CACNA1C: variants seen among roughly 807,000 people sequenced by gnomAD.
CACNA1C encodes voltage-dependent L-type calcium channel subunit alpha-1C.
Under a neutral mutation model 229.0 loss-of-function variants are expected in CACNA1C, and 30 were observed. The observed-to-expected ratio is 0.13, with a 90% CI of 0.10 to 0.18. CACNA1C has a LOEUF of 0.18. Among genes scored for constraint, CACNA1C ranks in the 10% least tolerant of loss-of-function variants. The pLI is 1.00. For synonymous variants in CACNA1C, 1,114 were observed against 1,132.5 expected (o/e 0.98, Z 0.33); for missense variants, 1,658 against 2,845.0 (o/e 0.58, Z 9.49).
chr12:2,218,760 A>G (rs1186701198), intron 3 of CACNA1C, among the ~76,000 whole-genome samples: 1 of 152,226 alleles, frequency 6.6e-6, no homozygotes, highest in Non-Finnish European at 1.5e-5. Context: ...AACAACAGAA[A>G]ATACAAAACA....
chr12:2,632,753 G>A lies in CACNA1C; in HGVS notation c.3829-1544G>A, dbSNP rs532026398. On this transcript the variant is annotated intron_variant, in intron 29 of 46. Transcript: ENST00000399655. This position sits in a 1 kb window ranked among gnomAD's most constrained non-coding sequence, Gnocchi z 4.1. ...ATCCTCAGGAAACGCTTTGATCACC[G>A]CGTGCCCTCTGCGCGGCGTCTGCAT... is the stretch of plus-strand genomic sequence containing the variant. Among the ~76,000 whole-genome samples the A allele has an allele frequency of 5.3e-5, 8 of 152,194 alleles. No homozygotes were observed. The highest frequency in any genetic ancestry group is 4.2e-4 in the South Asian group (2 of 4,818).
intron 1 of CACNA1C, among the ~76,000 whole-genome samples, chr12:2,014,809 G>A (rs1307047222): frequency 6.6e-6 from 1 of 152,176 alleles, no homozygotes; most frequent in Non-Finnish European, 1.5e-5. Flanking sequence ...GCCTTACAGA[G>A]GAGCCAGAGA....
chr12:2,354,315 C>T lies in CACNA1C; in HGVS notation c.478-94661C>T, dbSNP rs568442576. Among the ~76,000 whole-genome samples the T allele has an allele frequency of 3.5e-3, 531 of 152,298 alleles. 3 individuals are homozygous for T. The highest frequency in any genetic ancestry group is 5.5e-3 in the Non-Finnish European group (374 of 68,026). On this transcript the variant is annotated intron_variant, in intron 3 of 46. Transcript: ENST00000399655. The surrounding 1 kb of genome is among the most constrained non-coding windows in gnomAD (Gnocchi z 4.6). ...GCAGGAAACACAGAGCAGAAAGCCA[C>T]GCACACAGCTTGTGTTTCCTCTGGC... is the stretch of plus-strand genomic sequence containing the variant.
intron 3 of CACNA1C, among the ~76,000 whole-genome samples, chr12:2,193,981 A>T (rs2097320056): frequency 6.6e-6 from 1 of 152,048 alleles, no homozygotes; most frequent in African/African-American, 2.4e-5. Flanking sequence ...GGCCACTCCC[A>T]TGTGAACCTC....
chr12:2,583,726 C>T (rs2061422557), intron 15 of CACNA1C, among the ~76,000 whole-genome samples: 1 of 152,220 alleles, frequency 6.6e-6, no homozygotes, highest in Non-Finnish European at 1.5e-5. Context: ...GAACCTACTA[C>T]ATAAAGGGTC....
chr12:2,614,912 A>G (rs1339912555), intron 29 of CACNA1C: 1 of 151,558 alleles, frequency 6.6e-6, no homozygotes, highest in East Asian at 1.9e-4. Flanking sequence ...AAATAAATTT[A>G]CTCAAGTAAG....
In CACNA1C at chr12:1,993,540, C is replaced by T. The variant is rs1011872869; in HGVS notation, c.139+22339C>T. On this transcript the variant is annotated intron_variant, in intron 1 of 46. Transcript: ENST00000682462. ...AGCCTGTACACGTACTTCTTCACCA[C>T]TGGCATCATTATGGACTAATTCCCA... The T allele has an allele frequency of 4.4e-6, 4 of 915,264 alleles. No homozygotes were observed. The South Asian group carries it at 7.0e-5, about 16-fold the overall frequency. 56.7% of individuals were successfully genotyped at this position (915,264 alleles called of 1,614,324 possible). A position where few individuals can be genotyped will look rare whatever the true frequency, so the allele number is the denominator to read the frequency against.
chr12:2,052,607 C>T (rs2052538872), upstream of CACNA1C, among the ~76,000 whole-genome samples: 1 of 143,138 alleles, frequency 7.0e-6, no homozygotes. Context: ...GGGGGTGTGT[C>T]CGCGCCGCGG....
chr12:2,417,450 G>A (rs555627474), intron 3 of CACNA1C, among the ~76,000 whole-genome samples: 3 of 152,256 alleles, frequency 2.0e-5, no homozygotes, highest in East Asian at 1.9e-4. Flanking sequence ...TTCCCTGGCC[G>A]CTGTTTACCT....
intron 22 of CACNA1C, chr12:2,603,758 G>T (rs1354052786): frequency 2.6e-5 from 4 of 152,162 alleles, no homozygotes; most frequent in Admixed American, 2.0e-4. Context: ...CTTCTGAAGG[G>T]TCACTGAAAA....
intron 1 of CACNA1C, among the ~76,000 whole-genome samples, chr12:2,015,494 G>A (rs1304848739): frequency 6.6e-6 from 1 of 152,184 alleles, no homozygotes; most frequent in Non-Finnish European, 1.5e-5. Flanking sequence ...CAAGATAGGT[G>A]GCTTCAGCCA....
chr12:2,058,250 A>G (rs2056029366), intron 1 of CACNA1C, among the ~76,000 whole-genome samples: 1 of 152,216 alleles, frequency 6.6e-6, no homozygotes, highest in Admixed American at 6.5e-5. Context: ...CGCCTGATAC[A>G]GCAGCTGTTT....
At chr12:2,657,922 T>G (rs952088314) in intron 34 of CACNA1C, among the ~76,000 whole-genome samples, 12 of 152,012 alleles carry the variant, frequency 7.9e-5, no homozygotes, top group Admixed American at 1.3e-4. Context: ...AAATATATAA[T>G]AGTCATAAAA....
At chr12:2,179,408 T>C (rs576999620) in intron 3 of CACNA1C, among the ~76,000 whole-genome samples, 2 of 152,196 alleles carry the variant, frequency 1.3e-5, no homozygotes, top group Non-Finnish European at 2.9e-5. Flanking sequence ...AAGGAAAACA[T>C]ACCAACCTGT....
rs1284171808 is a variant in CACNA1C, at chr12:2,653,726, C to A, written c.4075-109C>A. The A allele has an allele frequency of 3.1e-5, 28 of 913,886 alleles. No homozygotes were observed. The highest frequency in any genetic ancestry group is 6.9e-5 in the South Asian group (5 of 72,096). 56.6% of individuals were successfully genotyped at this position (913,886 alleles called of 1,614,324 possible). ...TCTTGGAAGTGTCCCCCGGCCCAAA[C>A]CGGGCAATAGCTGATGGCTGCAGAG... On this transcript the variant is annotated intron_variant, in intron 32 of 46. Transcript: ENST00000399655. This position sits in a 1 kb window ranked among gnomAD's most constrained non-coding sequence, Gnocchi z 4.7.
At chr12:2,191,894 A>T in intron 3 of CACNA1C, among the ~76,000 whole-genome samples, 1 of 150,620 alleles carries the variant, frequency 6.6e-6, no homozygotes, top group Admixed American at 6.6e-5. Context: ...ACACACAGGC[A>T]CACACATGCA....
intron 3 of CACNA1C, among the ~76,000 whole-genome samples, chr12:2,340,729 T>G (rs1156806622): frequency 6.6e-6 from 1 of 152,126 alleles, no homozygotes; most frequent in African/African-American, 2.4e-5. Context: ...AGGCCGAGGC[T>G]GGCAGATCAC....
chr12:2,519,479 T>C (rs997599034), intron 9 of CACNA1C, among the ~76,000 whole-genome samples: 2 of 152,200 alleles, frequency 1.3e-5, no homozygotes, highest in African/African-American at 4.8e-5. Flanking sequence ...TTTCCTTTCA[T>C]GAACACGGTT....
intron 3 of CACNA1C, among the ~76,000 whole-genome samples, chr12:2,211,782 G>A (rs2097924172): frequency 6.8e-6 from 1 of 146,800 alleles, no homozygotes; most frequent in African/African-American, 2.5e-5. Context: ...GCAATGGCAT[G>A]GTCTCGGCTC....
Sources: allele counts gnomAD v4.1 joint callset (sites outside exome capture counted in the v4.1 genomes callset), GRCh38; gene constraint gnomAD v4.1.1; non-coding constraint Gnocchi (gnomAD v3.1); transcripts MANE v1.5; gene names NCBI Gene and HGNC (gene_info 2026-07-23, HGNC 2026-07-21).